The following AKAP6 variants were observed in gnomAD, a reference collection of about 807,000 sequenced individuals.
AKAP6 encodes the protein A-kinase anchoring protein 6, also known as A-kinase anchor protein 6.
In AKAP6, 58 loss-of-function variants were observed where a neutral mutation model predicts 188.5. The observed-to-expected ratio is 0.31, with a 90% CI of 0.25 to 0.38. AKAP6 has a LOEUF of 0.38. AKAP6 is among the 10% of genes least tolerant of loss of function. The pLI is 1.00. For synonymous variants in AKAP6, 989 were observed against 998.6 expected, an observed-to-expected ratio of 0.99 and a Z score of 0.18; for missense variants, 2,710 against 2,740.0, an observed-to-expected ratio of 0.99 and a Z score of 0.24.
intron 4 of AKAP6, among the ~76,000 whole-genome samples, chr14:32,550,712 A>T (rs924618100): frequency 2.5e-4 from 38 of 152,286 alleles, no homozygotes; most frequent in Admixed American, 1.3e-3. Context: ...GATATTACTT[A>T]ATATCTTCTT....
chr14:32,433,556 T>C lies in AKAP6; in HGVS notation c.63T>C (p.Thr21=). 1 of 1,614,158 alleles carries C rather than the reference T, an allele frequency of 6.2e-7. No individual in the cohort carries two copies. Residue 21 remains threonine (T), a synonymous_variant, in exon 2 of 14, where the codon ACT becomes ACC. Coordinates refer to ENST00000280979, the MANE Select transcript of AKAP6 (RefSeq NM_004274.5). Reference sequence around the variant, plus strand: ...CACAGGACCTGGATCCCATGGCTACTGATGCTTCACCCATGGCCATCAACA... The same window carrying C: ...CACAGGACCTGGATCCCATGGCTACCGATGCTTCACCCATGGCCATCAACA... ...LRSQDLDPMA[T]DASPMAINMT...
chr14:32,687,817 G>T (rs1468208655), intron 8 of AKAP6, among the ~76,000 whole-genome samples: 1 of 151,910 alleles, frequency 6.6e-6, no homozygotes, highest in Non-Finnish European at 1.5e-5. Context: ...AATGTGCCTG[G>T]CTGCTTCCTG....
chr14:32,807,551 C>A (rs1288620182), intron 12 of AKAP6, among the ~76,000 whole-genome samples: 1 of 152,052 alleles, frequency 6.6e-6, no homozygotes, highest in East Asian at 1.9e-4. Context: ...CTCTTCTGTT[C>A]TGAAAAAAGT....
At chr14:32,731,901 G>A (rs547728264) in intron 9 of AKAP6, among the ~76,000 whole-genome samples, 2 of 152,114 alleles carry the variant, frequency 1.3e-5, no homozygotes, top group African/African-American at 4.8e-5. Context: ...CAATAAAGAA[G>A]CATAGATTTG....
chr14:32,664,521 C>T (rs1362674362), intron 7 of AKAP6, among the ~76,000 whole-genome samples: 1 of 152,134 alleles, frequency 6.6e-6, no homozygotes, highest in Non-Finnish European at 1.5e-5. Flanking sequence ...ACTGCAGTGT[C>T]AGCCTACAAA....
rs1326802767 is a variant in AKAP6, at chr14:32,834,554, T to TTTTTTTTTTTTTTC, written c.*4749_*4750insTTTTTTTTTTTTTC. On this transcript the variant is annotated 3_prime_UTR_variant, in exon 14 of 14. Coordinates refer to ENST00000280979, the MANE Select transcript of AKAP6 (RefSeq NM_004274.5). ...AAGTCTTTTTTTTTTTTTTTTTTTT[T>TTTTTTTTTTTTTTC]AAATCTTGCATAGTTTCCCTGTGCT... 6.8e-6 allele frequency: 1 copy of TTTTTTTTTTTTTTC among 146,174 alleles called. No individual in the cohort carries two copies. The highest frequency in any genetic ancestry group is 2.2e-4 in the South Asian group (1 of 4,472). 9.1% of individuals were successfully genotyped at this position (146,174 alleles called of 1,614,324 possible). A position where few individuals can be genotyped will look rare whatever the true frequency, so the allele number is the denominator to read the frequency against.
chr14:32,715,770 ATTT>A (rs67983441), intron 9 of AKAP6, among the ~76,000 whole-genome samples: 49,266 of 151,476 alleles, frequency 0.33, 8,521 homozygotes, highest in South Asian at 0.47. Flanking sequence ...AAAAGGAAAG[ATTT>A]TTTTTTAAAA....
chr14:32,527,024 A>G (rs1198113034), intron 2 of AKAP6, among the ~76,000 whole-genome samples: 1 of 152,148 alleles, frequency 6.6e-6, no homozygotes, highest in Non-Finnish European at 1.5e-5. Flanking sequence ...TGTACATTCT[A>G]TAGATTTTGA....
chr14:32,590,442 GAAACA>G (rs796432814), intron 5 of AKAP6, among the ~76,000 whole-genome samples: 27 of 152,058 alleles, frequency 1.8e-4, no homozygotes, highest in East Asian at 5.8e-4. Flanking sequence ...CTCTGTCTCA[GAAACA>G]AAACAAAACA....
Position 32,522,754 on chromosome 14 carries a change from A to G in AKAP6, c.325-12800A>G, listed in dbSNP as rs540743283. Among the ~76,000 whole-genome samples the G allele has an allele frequency of 2.0e-5, 3 of 152,338 alleles. No individual in the cohort carries two copies. The South Asian group carries it at 6.2e-4, about 32-fold the overall frequency. Reference sequence around the variant, plus strand: ...TATACTGTTGGTGGGAGTGTAAACTAGTTCAACCGTTGTGGAAGACAGTGT... The same window carrying G: ...TATACTGTTGGTGGGAGTGTAAACTGGTTCAACCGTTGTGGAAGACAGTGT... On this transcript the variant is annotated intron_variant, in intron 2 of 13. Coordinates refer to ENST00000280979, the MANE Select transcript of AKAP6 (RefSeq NM_004274.5).
intron 7 of AKAP6, among the ~76,000 whole-genome samples, chr14:32,654,223 G>A (rs1242300171): frequency 6.6e-6 from 1 of 152,100 alleles, no homozygotes; most frequent in Admixed American, 6.6e-5. Context: ...GGCTGGGGGA[G>A]CTATGTGAAG....
At chr14:32,800,795 G>T (rs1486135778) in intron 12 of AKAP6, among the ~76,000 whole-genome samples, 5 of 152,016 alleles carry the variant, frequency 3.3e-5, no homozygotes, top group African/African-American at 4.8e-5. Context: ...TGTCCAGATT[G>T]CTTGAGCTCA....
At chr14:32,426,904 G>A (rs1257897619) in intron 1 of AKAP6, among the ~76,000 whole-genome samples, 1 of 152,176 alleles carries the variant, frequency 6.6e-6, no homozygotes, top group African/African-American at 2.4e-5. Context: ...AGTGTGTTAT[G>A]GTTGACAGCA....
intron 7 of AKAP6, among the ~76,000 whole-genome samples, chr14:32,672,317 A>T (rs948240959): frequency 2.0e-5 from 3 of 152,228 alleles, no homozygotes; most frequent in African/African-American, 7.2e-5. Flanking sequence ...AGAAGGCAGC[A>T]TTTCTAACAT....
At chr14:32,599,605 A>G in intron 6 of AKAP6, 99 bp downstream of exon 6, 2 of 813,720 alleles carry the variant, frequency 2.5e-6, no homozygotes, top group Non-Finnish European at 1.9e-6. Context: ...TTCCTTATGT[A>G]TTATTAATAT....
chr14:32,687,431 TC>T (rs1566647300), intron 8 of AKAP6, among the ~76,000 whole-genome samples: 268 of 150,372 alleles, frequency 1.8e-3, no homozygotes, highest in African/African-American at 6.5e-3. Flanking sequence ...TCTCTCTCTC[TC>T]TCTCTCTCTT....
chr14:32,510,777 T>A (rs1019847717), intron 2 of AKAP6, among the ~76,000 whole-genome samples: 1 of 152,132 alleles, frequency 6.6e-6, no homozygotes, highest in Non-Finnish European at 1.5e-5. Flanking sequence ...GATCACAGAA[T>A]ATTTGTTCAT....
At chr14:32,660,608 T>G (rs1884619) in intron 7 of AKAP6, among the ~76,000 whole-genome samples, 1 of 151,946 alleles carries the variant, frequency 6.6e-6, no homozygotes, top group Non-Finnish European at 1.5e-5. Context: ...TTCATTTGTT[T>G]CCCCCCAGGT....
chr14:32,805,657 TG>T (rs1396720558), intron 12 of AKAP6, among the ~76,000 whole-genome samples: 1 of 152,198 alleles, frequency 6.6e-6, no homozygotes, highest in Non-Finnish European at 1.5e-5. Context: ...AACATTTAAG[TG>T]GAAATGCCAC....
Sources: gnomAD v4.1 joint callset for allele counts (sites outside exome capture counted in the v4.1 genomes callset) on GRCh38, gnomAD v4.1.1 for gene constraint, MANE v1.5 for transcripts, NCBI Gene and HGNC (gene_info 2026-07-23, HGNC 2026-07-21) for gene names.